Variants in RPAP1 observed in about 807,000 individuals in gnomAD.
RPAP1 encodes the protein RNA polymerase II associated protein 1.
A neutral mutation model predicts 142.4 loss-of-function variants in RPAP1; 109 were observed. The observed-to-expected ratio is 0.77, with a 90% CI of 0.66 to 0.90. The LOEUF (loss-of-function observed/expected upper bound fraction) is 0.90. RPAP1 is among the 40% of genes least tolerant of loss of function. The pLI is 0.00. For synonymous variants in RPAP1, 704 were observed against 738.9 expected (o/e 0.95, Z 0.77); for missense variants, 1,546 against 1,751.7 (o/e 0.88, Z 2.10).
intron 1 of RPAP1, among the ~76,000 whole-genome samples, chr15:41,539,252 A>G (rs2051945728): frequency 6.6e-6 from 1 of 150,944 alleles, no homozygotes; most frequent in South Asian, 2.1e-4. Flanking sequence ...AGGACTACAG[A>G]TGCACCACCA....
chr15:41,526,905 G>C lies in RPAP1; in HGVS notation c.1910C>G (p.Ala637Gly). 6.2e-7 allele frequency: 1 copy of C among 1,611,432 alleles called. No homozygotes were observed. Among genetic ancestry groups the C allele is most frequent in the Middle Eastern group, 1.7e-4 (1 of 6,048 alleles). The change falls in exon 14 of 25, where the codon GCC becomes GGC. Residue 637 changes from alanine to glycine, a missense_variant. By Grantham distance (60) the Ala-to-Gly change is moderately conservative. Transcript: ENST00000304330. The stretch of plus-strand genomic sequence containing the variant: ...GCCCTGTGTCCTGCTCACCAGCCGG[G>C]CAGCAATATTCCTCCCAGCTGAGGC... ...VLASAGRNIA[A>G]RLLSSFDLRS...
Position 41,528,464 on chromosome 15 carries a change from A to T in RPAP1, c.1159-128T>A, listed in dbSNP as rs1446971068. On this transcript the variant is annotated intron_variant, in intron 9 of 24. Transcript: ENST00000304330. ...CTGCCCTGCTTTCCATGGAGCCTCA[A>T]GCCGGTAAAGATAAGACTTGCATAC... The T allele has an allele frequency of 1.9e-5, 13 of 674,920 alleles. No individual in the cohort carries two copies. The Admixed American group carries it at 2.7e-4, about 14-fold the overall frequency. 41.8% of individuals were successfully genotyped at this position (674,920 alleles called of 1,614,324 possible).
chr15:41,539,990 A>G (rs2140792171), intron 1 of RPAP1, among the ~76,000 whole-genome samples: 1 of 152,120 alleles, frequency 6.6e-6, no homozygotes, highest in South Asian at 2.1e-4. Context: ...CCAAGATCGT[A>G]CCACTGCACT....
chr15:41,527,518 C>G lies in RPAP1; in HGVS notation c.1516G>C (p.Glu506Gln), dbSNP rs1200345. The G allele has an allele frequency of 6.2e-7, 1 of 1,613,698 alleles. No individual in the cohort carries two copies. ...PSQEDKEDED[E>Q]DEECPAGKAK... ...TTTCCTGCTGGGCATTCTTCATCCT[C>G]GTCCTCATCCTCCTTGTCCTCCTGG... The change falls in exon 12 of 25, where the codon GAG becomes CAG. Residue 506 changes from glutamate to glutamine, a missense_variant. Coordinates refer to ENST00000304330, the MANE Select transcript of RPAP1 (RefSeq NM_015540.4).
chr15:41,537,648 G>T (rs899248949), intron 1 of RPAP1, among the ~76,000 whole-genome samples: 8 of 151,752 alleles, frequency 5.3e-5, no homozygotes, highest in Admixed American at 5.2e-4. Context: ...TTGTAAGGCC[G>T]AGGAGGGTGG....
rs1469459443 is a variant in RPAP1, at chr15:41,527,865, C to T, written c.1423G>A (p.Asp475Asn). The T allele has an allele frequency of 2.5e-6, 4 of 1,613,986 alleles. No homozygotes were observed. In the African/African-American group the frequency reaches 5.3e-5, roughly 22 times the overall value. Residue 475 changes from aspartate (D) to asparagine (N), a missense_variant, in exon 11 of 25, where the codon GAT (aspartate) becomes AAT (asparagine). Asp to Asn is a conservative substitution (Grantham distance 23). Around this residue, in one of 3 missense-constraint regions of RPAP1, gnomAD observed 1,333 missense variants for 1,486.6 expected, o/e 0.90. Coordinates refer to ENST00000304330, the MANE Select transcript of RPAP1 (RefSeq NM_015540.4). Reference sequence around the variant, plus strand: ...CATTCCTATCCCTGTGGTACCTCATCTCCAGGAGCCACCAGCAGAGCCCGA... The same window carrying T: ...CATTCCTATCCCTGTGGTACCTCATTTCCAGGAGCCACCAGCAGAGCCCGA... ...ALRALLVAPG[D>N]EELLDSTFSW...
At chr15:41,522,702 T>TAAG in intron 19 of RPAP1, 63 bp downstream of exon 19, 1 of 848,230 alleles carries the variant, frequency 1.2e-6, no homozygotes, top group African/African-American at 1.9e-5. Context: ...CCCTCCCACT[T>TAAG]TCTTTCTGAT....
At chr15:41,523,709 G>C (rs1595481805) in intron 17 of RPAP1, 62 bp downstream of exon 17, 3 of 1,391,842 alleles carry the variant, frequency 2.2e-6, no homozygotes, top group African/African-American at 2.8e-5. Flanking sequence ...GGGAGCAACG[G>C]GTGGAATGTA....
chr15:41,536,363 C>T (rs1011550087), intron 3 of RPAP1, 138 bp downstream of exon 3: 1 of 1,355,942 alleles, frequency 7.4e-7, no homozygotes, highest in Non-Finnish European at 1.0e-6. Flanking sequence ...TGATTCTAAC[C>T]CAGCCCCCAA....
chr15:41,536,886 G>A, intron 2 of RPAP1, 59 bp downstream of exon 2: 1 of 1,571,052 alleles, frequency 6.4e-7, no homozygotes, highest in Non-Finnish European at 8.7e-7. Flanking sequence ...AACAGGAAGA[G>A]GGAGGGGCCC....
At position 41,528,039 on chromosome 15, in the gene RPAP1, A is replaced by T; in HGVS notation, c.1261-12T>A. The T allele has an allele frequency of 6.2e-7, 1 of 1,613,108 alleles. No homozygotes were observed. The highest frequency in any genetic ancestry group is 8.5e-7 in the Non-Finnish European group (1 of 1,179,572). ...TCACCAGCCTGGGCCTGAGGGCAGG[A>T]GGGTAAAACCTTGCTGAAGATGCTG... is the stretch of plus-strand genomic sequence containing the variant. On this transcript the variant is annotated splice_polypyrimidine_tract_variant and intron_variant, in intron 10 of 24. Transcript: ENST00000304330.
chr15:41,521,800 G>T lies in RPAP1; in HGVS notation c.2976C>A (p.Pro992=), dbSNP rs757916906. Residue 992 remains proline (P), a synonymous_variant, in exon 21 of 25, where the codon CCC becomes CCA. Coordinates refer to ENST00000304330, the MANE Select transcript of RPAP1 (RefSeq NM_015540.4). ...GCTCATGGGTGAGGTACTCACTTCC[G>T]GGCAGCAGCCGGCTCAGCAGGGCCA... is the stretch of plus-strand genomic sequence containing the variant. ...MALALLSRLL[P]GSEYLTHELL... The T allele has an allele frequency of 6.2e-7, 1 of 1,614,044 alleles. No homozygotes were observed. Among genetic ancestry groups the T allele is most frequent in the Non-Finnish European group, 8.5e-7 (1 of 1,180,034 alleles).
At chr15:41,522,016 C>A in intron 20 of RPAP1, 82 bp downstream of exon 20, 1 of 1,576,826 alleles carries the variant, frequency 6.3e-7, no homozygotes, top group Non-Finnish European at 8.7e-7. Context: ...GCTGCATGGC[C>A]TGGCAGAAGC....
At chr15:41,522,296 C>A (rs746486766) in intron 19 of RPAP1, 46 bp from the exon 20 acceptor site, 10 of 1,568,380 alleles carry the variant, frequency 6.4e-6, no homozygotes, top group Middle Eastern at 1.9e-4. Flanking sequence ...GACTCTCATG[C>A]CTTCTAGGGC....
chr15:41,533,660 C>T (rs1428359534), intron 6 of RPAP1, among the ~76,000 whole-genome samples: 3 of 151,766 alleles, frequency 2.0e-5, no homozygotes, highest in Non-Finnish European at 4.4e-5. Context: ...GAAACCCCGT[C>T]TCTACTAAAA....
At chr15:41,526,103 T>C (rs1387555640) in intron 14 of RPAP1, among the ~76,000 whole-genome samples, 2 of 152,030 alleles carry the variant, frequency 1.3e-5, no homozygotes, top group African/African-American at 2.4e-5. Flanking sequence ...GCGCACACTA[T>C]TATACCTGGC....
chr15:41,538,770 A>G (rs1189529892), intron 1 of RPAP1, among the ~76,000 whole-genome samples: 2 of 152,100 alleles, frequency 1.3e-5, no homozygotes, highest in Non-Finnish European at 1.5e-5. Context: ...AGAAATTAAC[A>G]TAGAGACCTT....
chr15:41,531,128 G>C lies in RPAP1; in HGVS notation c.838C>G (p.Gln280Glu). 1.2e-6 allele frequency: 2 copies of C among 1,614,034 alleles called. No individual in the cohort carries two copies. The highest frequency in any genetic ancestry group is 1.7e-6 in the Non-Finnish European group (2 of 1,179,972). ...EQTGETASEE[Q>E]RPGGPSANVT... The stretch of plus-strand genomic sequence containing the variant: ...TTAGCAGAGGGTCCTCCTGGCCTCT[G>C]CTCCTCAGAGGCTGTCTCTCCTGTT... Residue 280 changes from glutamine (Q) to glutamate (E), a missense_variant, in exon 7 of 25, where the codon CAG (glutamine) becomes GAG (glutamate). Physicochemically the swap from Gln to Glu is conservative, Grantham distance 29. Coordinates refer to ENST00000304330, the MANE Select transcript of RPAP1 (RefSeq NM_015540.4).
At chr15:41,533,126 T>C (rs1248694716) in intron 6 of RPAP1, among the ~76,000 whole-genome samples, 1 of 151,506 alleles carries the variant, frequency 6.6e-6, no homozygotes. Context: ...ATAAGTAAAA[T>C]AGGGTTAATA....
Sources: gnomAD v4.1 joint callset for allele counts (sites outside exome capture counted in the v4.1 genomes callset) on GRCh38, gnomAD v4.1.1 for gene constraint, gnomAD v4.1.1 regional missense constraint, MANE v1.5 for transcripts, NCBI Gene and HGNC (gene_info 2026-07-23, HGNC 2026-07-21) for gene names.